CNTNAP4: variants seen among roughly 807,000 people sequenced by gnomAD.
CNTNAP4 encodes the protein contactin associated protein family member 4, also known as contactin-associated protein-like 4.
Under a neutral mutation model 148.4 loss-of-function variants are expected in CNTNAP4, and 98 were observed. The observed-to-expected ratio is 0.66, with a 90% CI of 0.56 to 0.78. The LOEUF is 0.78. Among genes scored for constraint, CNTNAP4 ranks in the 30% least tolerant of loss-of-function variants. The pLI, the probability that CNTNAP4 is intolerant of heterozygous loss-of-function variation, is 0.00. For missense variants in CNTNAP4, 1,935 were observed against 1,565.6 expected (o/e 1.24, Z -3.98); for synonymous variants, 730 against 565.1 (o/e 1.29, Z -4.14).
intron 17 of CNTNAP4, among the ~76,000 whole-genome samples, chr16:76,527,052 C>G (rs2083765997): frequency 6.6e-6 from 1 of 152,108 alleles, no homozygotes; most frequent in African/African-American, 2.4e-5. Flanking sequence ...AAAGCTGTTT[C>G]CTGGCTCCAC....
At chr16:76,298,496 G>A (rs1002139318) in intron 1 of CNTNAP4, among the ~76,000 whole-genome samples, 1 of 142,692 alleles carries the variant, frequency 7.0e-6, no homozygotes, top group Non-Finnish European at 1.5e-5. Flanking sequence ...ATGTGTGTGT[G>A]TGTGTGTGTG....
intron 3 of CNTNAP4, among the ~76,000 whole-genome samples, chr16:76,420,286 A>AGAATAATGTATATTC (rs1262105486): frequency 6.6e-6 from 1 of 151,526 alleles, no homozygotes. Flanking sequence ...GATAAATATT[A>AGAATAATGTATATTC]ATTTCCCTTT....
chr16:76,372,905 C>T (rs1361377343), intron 3 of CNTNAP4, among the ~76,000 whole-genome samples: 1 of 151,934 alleles, frequency 6.6e-6, no homozygotes, highest in African/African-American at 2.4e-5. Context: ...CTATGAATTC[C>T]CAGAAGATAG....
intron 12 of CNTNAP4, among the ~76,000 whole-genome samples, 164 bp downstream of exon 12, chr16:76,479,702 G>A (rs796181944): frequency 9.9e-5 from 15 of 151,964 alleles, no homozygotes; most frequent in African/African-American, 3.6e-4. Context: ...TAATTAAATG[G>A]TAATGATTTT....
chr16:76,401,965 T>C (rs2078433861), intron 3 of CNTNAP4, among the ~76,000 whole-genome samples: 1 of 152,220 alleles, frequency 6.6e-6, no homozygotes, highest in South Asian at 2.1e-4. Context: ...TGAGGATTTT[T>C]GTATCAGTGT....
intron 4 of CNTNAP4, among the ~76,000 whole-genome samples, chr16:76,429,353 A>G (rs1854646087): frequency 6.6e-6 from 1 of 152,150 alleles, no homozygotes; most frequent in African/African-American, 2.4e-5. Flanking sequence ...TATATTCTCC[A>G]CTTATTCAGA....
chr16:76,356,257 C>T (rs539716110), intron 3 of CNTNAP4, among the ~76,000 whole-genome samples: 2 of 151,984 alleles, frequency 1.3e-5, no homozygotes, highest in African/African-American at 2.4e-5. Context: ...AACCCTGTTT[C>T]TTTCTCTGGT....
chr16:76,533,488 C>G (rs1487537008), intron 17 of CNTNAP4, among the ~76,000 whole-genome samples: 1 of 151,878 alleles, frequency 6.6e-6, no homozygotes, highest in South Asian at 2.1e-4. Flanking sequence ...TGAATGTTCC[C>G]AACACTAAAA....
chr16:76,372,820 A>G (rs1247097431), intron 3 of CNTNAP4, among the ~76,000 whole-genome samples: 3 of 152,182 alleles, frequency 2.0e-5, no homozygotes, highest in African/African-American at 7.2e-5. Flanking sequence ...GACATAAATA[A>G]TTACTCAAGT....
chr16:76,382,359 G>C (rs1365378164), intron 3 of CNTNAP4, among the ~76,000 whole-genome samples: 3 of 152,020 alleles, frequency 2.0e-5, no homozygotes, highest in Non-Finnish European at 4.4e-5. Flanking sequence ...AGTAATCTGT[G>C]TATTTTACTG....
intron 12 of CNTNAP4, among the ~76,000 whole-genome samples, chr16:76,483,408 G>A (rs557734945): frequency 3.0e-4 from 45 of 152,146 alleles, no homozygotes; most frequent in African/African-American, 1.1e-3. Flanking sequence ...TGGTCACAAC[G>A]GTCTCATTCA....
intron 21 of CNTNAP4, among the ~76,000 whole-genome samples, chr16:76,546,805 T>G (rs567569640): frequency 7.9e-5 from 12 of 152,196 alleles, no homozygotes; most frequent in Non-Finnish European, 1.3e-4. Flanking sequence ...GCAGAGAAAT[T>G]TGAATGCTAC....
intron 3 of CNTNAP4, among the ~76,000 whole-genome samples, chr16:76,380,777 A>T (rs542389090): frequency 8.4e-4 from 128 of 152,286 alleles, no homozygotes; most frequent in African/African-American, 3.0e-3. Flanking sequence ...AAAGGTTGTG[A>T]TTATGTCAGC....
At chr16:76,386,789 C>T (rs2016551676) in intron 3 of CNTNAP4, among the ~76,000 whole-genome samples, 1 of 152,064 alleles carries the variant, frequency 6.6e-6, no homozygotes, top group Admixed American at 6.6e-5. Flanking sequence ...GGTTGTTAAT[C>T]AGATGATCAT....
intron 2 of CNTNAP4, among the ~76,000 whole-genome samples, chr16:76,318,669 A>T (rs1962067437): frequency 1.3e-5 from 2 of 150,524 alleles, no homozygotes. Context: ...GTATTGAAAT[A>T]CTAGAAATTT....
intron 3 of CNTNAP4, among the ~76,000 whole-genome samples, chr16:76,419,312 A>G (rs1237916874): frequency 6.6e-6 from 1 of 152,020 alleles, no homozygotes. Flanking sequence ...AGGTTCTGGC[A>G]AAGTCTTTTC....
At chr16:76,452,408 A>T in intron 7 of CNTNAP4, 100 bp from the exon 8 acceptor site, 1 of 1,213,522 alleles carries the variant, frequency 8.2e-7, no homozygotes, top group Non-Finnish European at 1.2e-6. Context: ...CAGTTGTTTT[A>T]AATCGCGGAT....
chr16:76,336,583 C>T (rs1405925344), intron 2 of CNTNAP4, among the ~76,000 whole-genome samples: 3 of 152,162 alleles, frequency 2.0e-5, no homozygotes, highest in Admixed American at 2.0e-4. Flanking sequence ...AGACCTGAAC[C>T]AGGTTGCCAG....
intron 15 of CNTNAP4, among the ~76,000 whole-genome samples, chr16:76,515,681 G>A (rs2083218954): frequency 1.3e-5 from 2 of 152,124 alleles, no homozygotes; most frequent in African/African-American, 4.8e-5. Flanking sequence ...TTCAACCAAA[G>A]AAGGTATACA....
Sources: gnomAD v4.1 joint callset for allele counts (sites outside exome capture counted in the v4.1 genomes callset) on GRCh38, gnomAD v4.1.1 for gene constraint, MANE v1.5 for transcripts, NCBI Gene and HGNC (gene_info 2026-07-23, HGNC 2026-07-21) for gene names.